The following RAD54L2 variants were observed in gnomAD, a reference collection of about 807,000 sequenced individuals.
The protein encoded by RAD54L2 is helicase ARIP4.
RAD54L2 carries 27 observed loss-of-function variants against 138.4 expected under a neutral mutation model. That is an observed-to-expected ratio of 0.20 (90% CI 0.14 to 0.27). The LOEUF (loss-of-function observed/expected upper bound fraction) is 0.27. Ranked by LOEUF, RAD54L2 falls within the 10% of genes least tolerant of loss-of-function variation. RAD54L2 has a pLI of 1.00. For synonymous variants in RAD54L2, 644 were observed against 723.2 expected, an observed-to-expected ratio of 0.89 and a Z score of 1.76; for missense variants, 1,396 against 1,890.2, an observed-to-expected ratio of 0.74 and a Z score of 4.85.
At chr3:51,597,907 T>G (rs1700000124) in intron 3 of RAD54L2, among the ~76,000 whole-genome samples, 1 of 146,444 alleles carries the variant, frequency 6.8e-6, no homozygotes, top group Admixed American at 7.0e-5. Flanking sequence ...TGAGCCGAGA[T>G]CACGCCACTG....
At chr3:51,563,227 A>G (rs575878523) in intron 2 of RAD54L2, among the ~76,000 whole-genome samples, 8 of 152,198 alleles carry the variant, frequency 5.3e-5, no homozygotes, top group Non-Finnish European at 1.2e-4. Flanking sequence ...TTGTAAATTT[A>G]AAAAACCTGA....
In RAD54L2 at chr3:51,635,239, A is replaced by G. The variant is rs577007614; in HGVS notation, c.1143-354A>G. The stretch of plus-strand genomic sequence containing the variant: ...CCCTTCCTTCTGTGACCTTGTATTT[A>G]TCATGGGATTGAAATGCTCCTTCAA... On this transcript the variant is annotated intron_variant, in intron 9 of 22. Coordinates refer to ENST00000684192, the MANE Select transcript of RAD54L2 (RefSeq NM_015106.4). 6.2e-4 allele frequency among the ~76,000 whole-genome samples: 94 copies of G among 152,238 alleles called. 3 individuals carry two copies. Among genetic ancestry groups the G allele is most frequent in the East Asian group, 3.9e-4 (2 of 5,178 alleles).
chr3:51,595,774 T>A (rs1699945216), intron 3 of RAD54L2, among the ~76,000 whole-genome samples: 1 of 152,128 alleles, frequency 6.6e-6, no homozygotes, highest in South Asian at 2.1e-4. Context: ...TTTCTCCTGA[T>A]ATCTGTCCTT....
At chr3:51,546,346 A>T (rs1332772841) in intron 2 of RAD54L2, among the ~76,000 whole-genome samples, 1 of 152,132 alleles carries the variant, frequency 6.6e-6, no homozygotes, top group African/African-American at 2.4e-5. Context: ...ATCAGATAAA[A>T]AGGAAAACTG....
In RAD54L2 at chr3:51,645,528, A is replaced by T. The variant is rs986729005; in HGVS notation, c.2657-63A>T. On this transcript the variant is annotated intron_variant, in intron 17 of 22. Coordinates refer to ENST00000684192, the MANE Select transcript of RAD54L2 (RefSeq NM_015106.4). The surrounding 1 kb of genome is among the most constrained non-coding windows in gnomAD (Gnocchi z 6.1). ...TTCAGATATGGGATGACTTTTCATTATTAGTGACCTTTACAGTTTTTAATG... is the reference window on the plus strand; with the variant it reads ...TTCAGATATGGGATGACTTTTCATTTTTAGTGACCTTTACAGTTTTTAATG... The T allele has an allele frequency of 6.9e-7, 1 of 1,450,160 alleles. No homozygotes were observed. The highest frequency in any genetic ancestry group is 1.4e-5 in the African/African-American group (1 of 70,488). The allele number at this position is 1,450,160 out of a possible 1,614,324, so 89.8% of individuals were successfully genotyped here.
chr3:51,556,486 G>A (rs909249630), intron 2 of RAD54L2, among the ~76,000 whole-genome samples: 1 of 152,046 alleles, frequency 6.6e-6, no homozygotes, highest in African/African-American at 2.4e-5. Context: ...GTCCTCAAGT[G>A]ATCCTCCTGC....
chr3:51,643,352 C>T (rs554848002), intron 15 of RAD54L2, among the ~76,000 whole-genome samples: 1 of 152,280 alleles, frequency 6.6e-6, no homozygotes, highest in Admixed American at 6.5e-5. Flanking sequence ...ATTTTTTCTC[C>T]CTCTTTGGAG....
Position 51,628,310 on chromosome 3 carries a change from TAAC to T in RAD54L2, c.341+557_341+559del, listed in dbSNP as rs940782859. Among the ~76,000 whole-genome samples, 10 of 151,980 alleles carry T rather than the reference TAAC, an allele frequency of 6.6e-5. 1 individual carries two copies. Among genetic ancestry groups the T allele is most frequent in the South Asian group, 4.2e-4 (2 of 4,778 alleles). On this transcript the variant is annotated intron_variant, in intron 4 of 22. Coordinates refer to ENST00000684192, the MANE Select transcript of RAD54L2 (RefSeq NM_015106.4). ...TCCTGCCTCCACTTAAAAAAAAAAA[TAAC>T]GACAACTTGAAATATTACTCTGAGT... is the stretch of plus-strand genomic sequence containing the variant.
At chr3:51,549,835 T>C (rs1553673204) in intron 2 of RAD54L2, among the ~76,000 whole-genome samples, 1 of 151,208 alleles carries the variant, frequency 6.6e-6, no homozygotes, top group Non-Finnish European at 1.5e-5. Flanking sequence ...TGGCTTGAGC[T>C]CTGCTGTCAT....
At position 51,637,602 on chromosome 3, in the gene RAD54L2, G is replaced by C; in HGVS notation, c.1682+99G>C. 8.2e-7 allele frequency: 1 copy of C among 1,222,488 alleles called. No individual in the cohort carries two copies. Among genetic ancestry groups the C allele is most frequent in the Non-Finnish European group, 1.1e-6 (1 of 894,422 alleles). 75.7% of individuals were successfully genotyped at this position (1,222,488 alleles called of 1,614,324 possible). The stretch of plus-strand genomic sequence containing the variant: ...TACAGGATAGGGTGTTGGAGTAGGA[G>C]GGCCCCTTCCCTGGGGCAGTAGTAA... On this transcript the variant is annotated intron_variant, in intron 11 of 22. Coordinates refer to ENST00000684192, the MANE Select transcript of RAD54L2 (RefSeq NM_015106.4). This position sits in a 1 kb window ranked among gnomAD's most constrained non-coding sequence, Gnocchi z 5.9.
At chr3:51,603,823 G>C (rs2106740745) in intron 3 of RAD54L2, among the ~76,000 whole-genome samples, 1 of 152,234 alleles carries the variant, frequency 6.6e-6, no homozygotes, top group African/African-American at 2.4e-5. Context: ...TGCACCTGAG[G>C]GAAGTAAGTG....
chr3:51,608,791 G>C (rs1010066523), intron 3 of RAD54L2, among the ~76,000 whole-genome samples: 20 of 152,222 alleles, frequency 1.3e-4, no homozygotes, highest in Non-Finnish European at 1.0e-4. Context: ...GTCCAGCCTC[G>C]GCTCGGCATC....
chr3:51,641,534 C>G (rs945767426), intron 14 of RAD54L2, among the ~76,000 whole-genome samples: 3 of 152,060 alleles, frequency 2.0e-5, no homozygotes, highest in African/African-American at 7.2e-5. Flanking sequence ...CTAGGCTGGT[C>G]TGGAACTCCT....
chr3:51,661,135 C>G (rs1481459742), intron 22 of RAD54L2, among the ~76,000 whole-genome samples: 1 of 150,172 alleles, frequency 6.7e-6, no homozygotes, highest in African/African-American at 2.5e-5. Flanking sequence ...CTAATTTTTG[C>G]ATTTTTTGTA....
At chr3:51,554,705 T>C (rs1559614754) in intron 2 of RAD54L2, among the ~76,000 whole-genome samples, 1 of 152,178 alleles carries the variant, frequency 6.6e-6, no homozygotes, top group Non-Finnish European at 1.5e-5. Flanking sequence ...CTCCCAGTCC[T>C]GAAGAGATTA....
At chr3:51,647,029 A>G (rs1328487409) in intron 19 of RAD54L2, among the ~76,000 whole-genome samples, 2 of 152,210 alleles carry the variant, frequency 1.3e-5, no homozygotes, top group Non-Finnish European at 1.5e-5. Flanking sequence ...GTAAGATATT[A>G]TAGAACAGTT....
At position 51,633,974 on chromosome 3, in the gene RAD54L2, A is replaced by C. The variant is rs746129258; in HGVS notation, c.1081A>C (p.Asn361His). The C allele has an allele frequency of 6.2e-7, 1 of 1,613,866 alleles. No individual in the cohort carries two copies. Among genetic ancestry groups the C allele is most frequent in the African/African-American group, 1.3e-5 (1 of 74,922 alleles). ...ACCTCCTGAAGCCCTCCCGGCTGAC[A>C]ACAAGCCTGAAGAAGTCCAGCCTCG... The part of the protein sequence containing the change: ...LPPPEALPAD[N>H]KPEEVQPRFF... The change falls in exon 9 of 23, where the codon AAC becomes CAC. Residue 361 changes from asparagine (N) to histidine (H), a missense_variant. This residue lies in a region of RAD54L2 where 169 missense variants were observed against 235.6 expected (regional missense o/e 0.72). Coordinates refer to ENST00000684192, the MANE Select transcript of RAD54L2 (RefSeq NM_015106.4).
At position 51,658,878 on chromosome 3, in the gene RAD54L2, G is replaced by A. The variant is rs73834270; in HGVS notation, c.3317-1148G>A. Among the ~76,000 whole-genome samples, 944 of 151,904 alleles carry A rather than the reference G, an allele frequency of 6.2e-3. 11 individuals carry two copies. Among genetic ancestry groups the A allele is most frequent in the African/African-American group, 0.022 (905 of 41,386 alleles). ...GCCTGCTACCTGTTATAATATCTGC[G>A]AGATAAGAATGGGTTTAACATTTTC... On this transcript the variant is annotated intron_variant, in intron 21 of 22. Transcript: ENST00000684192.
At chr3:51,539,255 G>C (rs1281578988) in intron 1 of RAD54L2, among the ~76,000 whole-genome samples, 2 of 152,180 alleles carry the variant, frequency 1.3e-5, no homozygotes, top group African/African-American at 2.4e-5. Context: ...TGACCAGAGC[G>C]CGGTGTGGGG....
Sources: gnomAD v4.1 joint callset for allele counts (sites outside exome capture counted in the v4.1 genomes callset) on GRCh38, gnomAD v4.1.1 for gene constraint, gnomAD v4.1.1 regional missense constraint, Gnocchi (gnomAD v3.1) non-coding constraint, MANE v1.5 for transcripts, NCBI Gene and HGNC (gene_info 2026-07-23, HGNC 2026-07-21) for gene names.